EPM2A: variants seen among roughly 807,000 people sequenced by gnomAD.
The protein encoded by EPM2A is EPM2A glucan phosphatase, laforin.
In EPM2A, 21 loss-of-function variants were observed where a neutral mutation model predicts 26.5. The ratio of observed to expected loss-of-function variants is 0.79; its 90% confidence interval spans 0.56 to 1.14. EPM2A has a LOEUF of 1.14. Among genes scored for constraint, EPM2A ranks in the 50% most tolerant of loss-of-function variants. The pLI is 0.00. For synonymous variants in EPM2A, 217 were observed against 177.6 expected, an observed-to-expected ratio of 1.22 and a Z score of -1.76; for missense variants, 458 against 440.8, an observed-to-expected ratio of 1.04 and a Z score of -0.35.
rs1015272354 is a variant in EPM2A, at chr6:145,735,191, G to A, written c.301+7C>T. On this transcript the variant is annotated splice_region_variant and intron_variant, in intron 1 of 3. Coordinates refer to ENST00000367519, the MANE Select transcript of EPM2A (RefSeq NM_005670.4). ...CTGCGCCGGGGGCAGGCGTCTGCTGGCAATACCTTCCCAGGAGAGCTCTCC... is the reference window on the plus strand; with the variant it reads ...CTGCGCCGGGGGCAGGCGTCTGCTGACAATACCTTCCCAGGAGAGCTCTCC... 6.7e-7 allele frequency: 1 copy of A among 1,501,934 alleles called. No individual in the cohort carries two copies. Among genetic ancestry groups the A allele is most frequent in the Non-Finnish European group, 8.9e-7 (1 of 1,120,580 alleles). 93.0% of individuals were successfully genotyped at this position (1,501,934 alleles called of 1,614,324 possible).
chr6:145,411,479 A>G (rs1380788715), intron 4 of EPM2A, among the ~76,000 whole-genome samples: 2 of 152,318 alleles, frequency 1.3e-5, no homozygotes, highest in African/African-American at 4.8e-5. Flanking sequence ...AATGTGATCA[A>G]TTTTACAATA....
At chr6:145,569,709 T>C (rs1290246060) in intron 2 of EPM2A, among the ~76,000 whole-genome samples, 2 of 152,224 alleles carry the variant, frequency 1.3e-5, no homozygotes, top group African/African-American at 4.8e-5. Flanking sequence ...TTTGAGACTT[T>C]ATGGTGTTTG....
rs201789719 is a variant in EPM2A, at chr6:145,597,470, T to TA, written c.340+37774_340+37775insT. Among the ~76,000 whole-genome samples the TA allele has an allele frequency of 4.1e-3, 591 of 145,650 alleles. 4 individuals are homozygous for TA. The highest frequency in any genetic ancestry group is 0.013 in the South Asian group (57 of 4,550). On this transcript the variant is annotated intron_variant, in intron 2 of 3. Transcript: ENST00000450221. ...ATCCTTTGTATGTGACCTGTTTATT[T>TA]TTTTTTCTTTTTTTTGGTAAGTTTT...
intron 2 of EPM2A, among the ~76,000 whole-genome samples, chr6:145,557,001 A>G (rs1295042059): frequency 6.6e-6 from 1 of 152,132 alleles, no homozygotes; most frequent in Non-Finnish European, 1.5e-5. Context: ...GTTCCATTCT[A>G]TCTGCAGTGA....
At chr6:145,431,639 A>C (rs1486794987) in intron 4 of EPM2A, among the ~76,000 whole-genome samples, 1 of 152,296 alleles carries the variant, frequency 6.6e-6, no homozygotes, top group South Asian at 2.1e-4. Flanking sequence ...AGCGAGTAGT[A>C]ATCTTTTTGC....
intron 4 of EPM2A, among the ~76,000 whole-genome samples, chr6:145,400,883 C>A (rs148471614): frequency 7.6e-4 from 116 of 152,182 alleles, no homozygotes; most frequent in African/African-American, 2.6e-3. Flanking sequence ...GGTTGTTACA[C>A]CCCCATCTTT....
intron 2 of EPM2A, among the ~76,000 whole-genome samples, chr6:145,527,420 T>C (rs1037900592): frequency 4.6e-5 from 7 of 152,180 alleles, no homozygotes; most frequent in African/African-American, 1.2e-4. Context: ...TGTGGCTTTC[T>C]ACATATTTTC....
chr6:145,615,405 C>T (rs1414372185), intron 2 of EPM2A, among the ~76,000 whole-genome samples: 1 of 152,108 alleles, frequency 6.6e-6, no homozygotes, highest in Non-Finnish European at 1.5e-5. Flanking sequence ...CATTAAAACC[C>T]TTTTTCCTGT....
chr6:145,676,411 G>A (rs1029457941), intron 2 of EPM2A, among the ~76,000 whole-genome samples: 5 of 152,090 alleles, frequency 3.3e-5, no homozygotes, highest in African/African-American at 1.2e-4. Context: ...CAGAAGGCAA[G>A]AAGTAACTAA....
intron 2 of EPM2A, chr6:145,638,086 G>A (rs1158491273): frequency 6.6e-6 from 1 of 152,030 alleles, no homozygotes; most frequent in East Asian, 1.9e-4. Flanking sequence ...ATTTTAAAGA[G>A]GACTGGTAAA....
chr6:145,415,274 G>A (rs1778693268), intron 4 of EPM2A, among the ~76,000 whole-genome samples: 1 of 152,270 alleles, frequency 6.6e-6, no homozygotes, highest in Admixed American at 6.5e-5. Context: ...GTTTTCACCT[G>A]AGCCATACTG....
At chr6:145,720,283 CAT>C (rs1170098901) in intron 1 of EPM2A, among the ~76,000 whole-genome samples, 1 of 152,060 alleles carries the variant, frequency 6.6e-6, no homozygotes, top group Admixed American at 6.6e-5. Context: ...GTAGAGAAAA[CAT>C]GAGACATTGT....
At chr6:145,647,326 T>C (rs888465552) in intron 2 of EPM2A, among the ~76,000 whole-genome samples, 4 of 152,214 alleles carry the variant, frequency 2.6e-5, no homozygotes, top group Admixed American at 6.5e-5. Context: ...CCCTTCCCCT[T>C]ATTCTGCTAT....
chr6:145,645,562 C>A (rs1562437006), intron 2 of EPM2A, among the ~76,000 whole-genome samples: 1 of 151,918 alleles, frequency 6.6e-6, no homozygotes, highest in Non-Finnish European at 1.5e-5. Context: ...GCTTCAGCCT[C>A]GAAGGTCACT....
intron 1 of EPM2A, among the ~76,000 whole-genome samples, chr6:145,713,866 A>G (rs1294702535): frequency 6.6e-6 from 1 of 152,222 alleles, no homozygotes; most frequent in African/African-American, 2.4e-5. Flanking sequence ...AGAAAATGTG[A>G]CACACCCATA....
chr6:145,676,050 A>G (rs1409889339), intron 2 of EPM2A, among the ~76,000 whole-genome samples: 3 of 152,244 alleles, frequency 2.0e-5, no homozygotes, highest in African/African-American at 4.8e-5. Flanking sequence ...AGCAAATGTA[A>G]AAGAACAGAA....
At chr6:145,479,223 G>C (rs948215428) in intron 4 of EPM2A, among the ~76,000 whole-genome samples, 15 of 146,140 alleles carry the variant, frequency 1.0e-4, no homozygotes, top group Non-Finnish European at 2.0e-4. Context: ...TTTTATTTTA[G>C]TAAAATATAT....
intron 2 of EPM2A, among the ~76,000 whole-genome samples, chr6:145,660,752 A>G (rs1295153543): frequency 6.6e-6 from 1 of 152,228 alleles, no homozygotes; most frequent in Non-Finnish European, 1.5e-5. Flanking sequence ...CTGTGAGCCA[A>G]GATCACGCCA....
chr6:145,653,534 T>A (rs1257171968), intron 2 of EPM2A, among the ~76,000 whole-genome samples: 1 of 152,260 alleles, frequency 6.6e-6, no homozygotes, highest in Admixed American at 6.5e-5. Flanking sequence ...GTTATTTTTT[T>A]ATCTATCAGT....
Sources: gnomAD v4.1 joint callset for allele counts (sites outside exome capture counted in the v4.1 genomes callset) on GRCh38, gnomAD v4.1.1 for gene constraint, MANE v1.5 for transcripts, NCBI Gene and HGNC (gene_info 2026-07-23, HGNC 2026-07-21) for gene names.